Variants in MAP4K2 observed in about 807,000 individuals in gnomAD.
The protein encoded by MAP4K2 is mitogen-activated protein kinase kinase kinase kinase 2, also known as B lymphocyte serine/threonine protein kinase.
A neutral mutation model predicts 125.3 loss-of-function variants in MAP4K2; 85 were observed. The observed-to-expected ratio is 0.68, with a 90% confidence interval of 0.57 to 0.81. The LOEUF (loss-of-function observed/expected upper bound fraction) is 0.81. MAP4K2 is among the 40% of genes least tolerant of loss of function. The pLI is 0.00. For missense variants in MAP4K2, 923 were observed against 1,056.4 expected, an observed-to-expected ratio of 0.87 and a Z score of 1.75; for synonymous variants, 479 against 445.1, an observed-to-expected ratio of 1.08 and a Z score of -0.96.
intron 14 of MAP4K2, among the ~76,000 whole-genome samples, chr11:64,799,102 G>A (rs1396240435): frequency 1.3e-5 from 2 of 152,220 alleles, no homozygotes; most frequent in Non-Finnish European, 2.9e-5. Flanking sequence ...GAGACAGAAA[G>A]TCAGACCACT....
chr11:64,800,767 C>A lies in MAP4K2; in HGVS notation c.722G>T (p.Arg241Leu). 1.2e-6 allele frequency: 2 copies of A among 1,603,994 alleles called. No individual in the cohort carries two copies. Among genetic ancestry groups the A allele is most frequent in the Non-Finnish European group, 1.7e-6 (2 of 1,175,308 alleles). ...GGCAGCAGGGTGTGGCCCTTACCAG[C>A]GAGTCTTATCTCTCAGTTTGGGCGG... ...FQPPKLRDKT[R>L]WTQNFHHFLK... is the part of the protein sequence containing the mutation. Residue 241 changes from arginine (R) to leucine (L), a missense_variant, in exon 10 of 32, where the codon CGC (arginine) becomes CTC (leucine). By Grantham distance (102) the Arg-to-Leu change is moderately radical. Coordinates refer to ENST00000294066, the MANE Select transcript of MAP4K2 (RefSeq NM_004579.5).
At chr11:64,796,768 G>A (rs1293182486) in intron 21 of MAP4K2, 41 bp downstream of exon 21, 6 of 1,613,488 alleles carry the variant, frequency 3.7e-6, no homozygotes, top group Non-Finnish European at 5.1e-6. Context: ...CCCAAGCTGA[G>A]GGATTCCTTG....
chr11:64,796,674 G>A lies in MAP4K2; in HGVS notation c.1532C>T (p.Thr511Ile), dbSNP rs1940823425. The A allele has an allele frequency of 6.2e-7, 1 of 1,614,006 alleles. No homozygotes were observed. The highest frequency in any genetic ancestry group is 8.5e-7 in the Non-Finnish European group (1 of 1,180,050). ...LVVGAEEGIY[T>I]LNLHELHEDT... ...CTCATGCAGTTCATGCAGGTTGAGT[G>A]TGTAGATGCCTTCCTCGGCCCCTAC... The change falls in exon 22 of 32, where the codon ACA (threonine) becomes ATA (isoleucine). Residue 511 changes from threonine to isoleucine, a missense_variant. Thr to Ile is a moderately conservative substitution (Grantham distance 89). Coordinates refer to ENST00000294066, the MANE Select transcript of MAP4K2 (RefSeq NM_004579.5).
rs914501087 is a variant in MAP4K2 at position 64,785,889 on chromosome 11, C to T, written c.*3648G>A. 1 of 152,182 alleles carries T rather than the reference C, an allele frequency of 6.6e-6. No individual in the cohort carries two copies. Among genetic ancestry groups the T allele is most frequent in the Non-Finnish European group, 1.5e-5 (1 of 68,028 alleles). The allele number at this position is 152,182 out of a possible 1,614,324, so 9.4% of individuals were successfully genotyped here. A position where few individuals can be genotyped will look rare whatever the true frequency, so the allele number is the denominator to read the frequency against. ...ACAGACATGAACCACCATGCCCAAA[C>T]TAAAATTTTATGACATAATATTTGA... On this transcript the variant is annotated 3_prime_UTR_variant, in exon 32 of 32. Coordinates refer to ENST00000294066, the MANE Select transcript of MAP4K2 (RefSeq NM_004579.5).
Position 64,792,285 on chromosome 11 carries a change from G to T in MAP4K2, c.1811-10C>A, listed in dbSNP as rs1249340795. 6.2e-7 allele frequency: 1 copy of T among 1,605,878 alleles called. No individual in the cohort carries two copies. ...GTGTAGGGGTTCCGCACTGGCAGGG[G>T]AGCAGGCAGTGGGCACCGGGCTGGG... On this transcript the variant is annotated splice_polypyrimidine_tract_variant and intron_variant, in intron 25 of 31. Coordinates refer to ENST00000294066, the MANE Select transcript of MAP4K2 (RefSeq NM_004579.5).
At chr11:64,801,980 TCCAC>T in intron 5 of MAP4K2, 82 bp downstream of exon 5, 2 of 1,420,510 alleles carry the variant, frequency 1.4e-6, no homozygotes, top group Middle Eastern at 2.5e-4. Context: ...CCCGAGGCAC[TCCAC>T]CCGCCTCCCT....
chr11:64,787,744 G>T lies in MAP4K2; in HGVS notation c.*1793C>A, dbSNP rs1940257302. 1 of 152,202 alleles carries T rather than the reference G, an allele frequency of 6.6e-6. No homozygotes were observed. The highest frequency in any genetic ancestry group is 6.5e-5 in the Admixed American group (1 of 15,284). The allele number at this position is 152,202 out of a possible 1,614,324, so 9.4% of individuals were successfully genotyped here. A position where few individuals can be genotyped will look rare whatever the true frequency, so the allele number is the denominator to read the frequency against. ...CCAGACTGAATCTGAGGTCCGGGAAGATCCGCCACAAGGAGGCACTGTCTG... is the reference window on the plus strand; with the variant it reads ...CCAGACTGAATCTGAGGTCCGGGAATATCCGCCACAAGGAGGCACTGTCTG... On this transcript the variant is annotated 3_prime_UTR_variant, in exon 32 of 32. Transcript: ENST00000294066.
At chr11:64,798,555 C>T (rs1021450601) in intron 15 of MAP4K2, among the ~76,000 whole-genome samples, 8 of 152,178 alleles carry the variant, frequency 5.3e-5, no homozygotes, top group African/African-American at 1.7e-4. Flanking sequence ...CCACCTTAGC[C>T]TCCCAAAGTG....
chr11:64,789,793 GA>G lies in MAP4K2; in HGVS notation c.2320-9del, dbSNP rs753702381. The G allele has an allele frequency of 1.2e-6, 2 of 1,614,118 alleles. No homozygotes were observed. Among genetic ancestry groups the G allele is most frequent in the Admixed American group, 3.3e-5 (2 of 60,028 alleles). On this transcript the variant is annotated splice_polypyrimidine_tract_variant and intron_variant, in intron 30 of 31. Coordinates refer to ENST00000294066, the MANE Select transcript of MAP4K2 (RefSeq NM_004579.5). ...TGTGATCTCCTGGGTCACCTGGGAA[GA>G]CAGGTGGGAAGCACTGAGGCCACTC...
chr11:64,802,578 A>AT lies in MAP4K2; in HGVS notation c.229dup (p.Ile77AsnfsTer8). ...GCAGCCTCACCTGAGGTAGCTGCCA[A>AT]TGTAGGCCACCACATTGGGGTGGCG... On this transcript the variant is annotated frameshift_variant, in exon 3 of 32. Coordinates refer to ENST00000294066, the MANE Select transcript of MAP4K2 (RefSeq NM_004579.5). LOFTEE classifies it high-confidence loss of function. 6.2e-7 allele frequency: 1 copy of AT among 1,610,326 alleles called. No individual in the cohort carries two copies. The highest frequency in any genetic ancestry group is 8.5e-7 in the Non-Finnish European group (1 of 1,178,454).
At position 64,796,712 on chromosome 11, in the gene MAP4K2, G is replaced by T. The variant is rs1940827170; in HGVS notation, c.1494C>A (p.Asp498Glu). The change falls in exon 22 of 32, where the codon GAC becomes GAA. Residue 498 changes from aspartate (D) to glutamate (E), a missense_variant and splice_region_variant. Around this residue, in one of 2 missense-constraint regions of MAP4K2, gnomAD observed 833 missense variants for 911.4 expected, o/e 0.91. Transcript: ENST00000294066. Reference sequence around the variant, plus strand: ...CCTCGGCCCCTACCACCAGGAACTGGTCTGCCAGTTTGGGCATGGGGTCAG... The same window carrying T: ...CCTCGGCCCCTACCACCAGGAACTGTTCTGCCAGTTTGGGCATGGGGTCAG... ...AVTWIHPVTRDQFLVVGAEEG... is the reference protein window; with the variant it reads ...AVTWIHPVTREQFLVVGAEEG... The T allele has an allele frequency of 6.2e-7, 1 of 1,613,946 alleles. No homozygotes were observed. Among genetic ancestry groups the T allele is most frequent in the Admixed American group, 1.7e-5 (1 of 60,006 alleles).
rs556781886 is a variant in MAP4K2 at position 64,802,967 on chromosome 11, G to C, written c.97-25C>G. 4.0e-5 allele frequency: 62 copies of C among 1,554,124 alleles called. 1 individual carries two copies. The highest frequency in any genetic ancestry group is 2.2e-4 in the South Asian group (19 of 85,744). ...CCTGCAGGGGCGGAGGGTGAAGCGG[G>C]ATGGGGGGCGGGGCCGGGGGCTAGA... On this transcript the variant is annotated intron_variant, in intron 1 of 31. Transcript: ENST00000294066.
Position 64,802,244 on chromosome 11 carries a change from C to A in MAP4K2, c.311-123G>T, listed in dbSNP as rs750717051. The A allele has an allele frequency of 8.2e-5, 88 of 1,078,136 alleles. 1 individual carries two copies. In the South Asian group the frequency reaches 1.0e-3, roughly 13 times the overall value. 66.8% of individuals were successfully genotyped at this position (1,078,136 alleles called of 1,614,324 possible). On this transcript the variant is annotated intron_variant, in intron 4 of 31. Transcript: ENST00000294066. ...AAAGCGGTGTTGGCCACGTCCCCTC[C>A]CAGTTTAGTCTAGGATACTGAACCC... is the stretch of plus-strand genomic sequence containing the variant.
intron 2 of MAP4K2, 99 bp from the exon 3 acceptor site, chr11:64,802,752 G>C: frequency 4.8e-6 from 7 of 1,466,450 alleles, no homozygotes; most frequent in Non-Finnish European, 6.6e-6. Context: ...CTCCGGGCCA[G>C]GCAGGTGCAG....
In MAP4K2 at chr11:64,802,557, C is replaced by G. The variant is rs778391177; in HGVS notation, c.245+6G>C. On this transcript the variant is annotated splice_donor_region_variant and intron_variant, in intron 3 of 31. Transcript: ENST00000294066. ...GCCTGGGGCCAGGAGGATAAGGCAG[C>G]CTCACCTGAGGTAGCTGCCAATGTA... The G allele has an allele frequency of 6.2e-7, 1 of 1,602,140 alleles. No homozygotes were observed. The highest frequency in any genetic ancestry group is 8.5e-7 in the Non-Finnish European group (1 of 1,174,416).
chr11:64,791,209 C>T (rs1592575538), intron 27 of MAP4K2, among the ~76,000 whole-genome samples: 1 of 152,132 alleles, frequency 6.6e-6, no homozygotes, highest in African/African-American at 2.4e-5. Flanking sequence ...CACCAGGTGC[C>T]TTAACTACGT....
Position 64,797,354 on chromosome 11 carries a change from CA to C in MAP4K2, c.1196del (p.Met399ArgfsTer10). 3 of 1,595,536 alleles carry C rather than the reference CA, an allele frequency of 1.9e-6. No homozygotes were observed. The highest frequency in any genetic ancestry group is 2.6e-6 in the Non-Finnish European group (3 of 1,171,066). On this transcript the variant is annotated frameshift_variant, in exon 18 of 32. Coordinates refer to ENST00000294066, the MANE Select transcript of MAP4K2 (RefSeq NM_004579.5). LOFTEE classifies it high-confidence loss of function. ...FQELDSPDDT[M>X]GTIKRAPFLG... Reference sequence around the variant, plus strand: ...GGAACGGGGCCCGCTTGATGGTTCCCATGGTATCGTCTGGGGAGTCCAGCTC... The same window carrying C: ...GGAACGGGGCCCGCTTGATGGTTCCCTGGTATCGTCTGGGGAGTCCAGCTC...
intron 24 of MAP4K2, among the ~76,000 whole-genome samples, chr11:64,795,324 C>T (rs554131408): frequency 2.0e-5 from 3 of 152,062 alleles, no homozygotes; most frequent in South Asian, 2.1e-4. Context: ...CCTCATGATC[C>T]GCCCACCTCG....
intron 2 of MAP4K2, 59 bp downstream of exon 2, chr11:64,802,824 ACC>A: frequency 6.5e-7 from 1 of 1,542,850 alleles, no homozygotes; most frequent in South Asian, 1.2e-5. Context: ...CTCCGCCCGC[ACC>A]CCGCGCCCGC....
Sources: allele counts gnomAD v4.1 joint callset (sites outside exome capture counted in the v4.1 genomes callset), GRCh38; gene constraint gnomAD v4.1.1; regional missense constraint gnomAD v4.1.1; transcripts MANE v1.5; gene names NCBI Gene and HGNC (gene_info 2026-07-23, HGNC 2026-07-21).